The following CHMP3 variants were observed in gnomAD, a reference collection of about 807,000 sequenced individuals.
The protein encoded by CHMP3 is charged multivesicular body protein 3, also known as 25.1 protein.
A neutral mutation model predicts 27.4 loss-of-function variants in CHMP3; 8 were observed. The ratio of observed to expected loss-of-function variants is 0.29; its 90% confidence interval spans 0.17 to 0.53. The LOEUF (loss-of-function observed/expected upper bound fraction) is 0.53. Among genes scored for constraint, CHMP3 ranks in the 20% least tolerant of loss-of-function variants. CHMP3 has a pLI of 0.96. For missense variants in CHMP3, 208 were observed against 271.5 expected (o/e 0.77, Z 1.64); for synonymous variants, 86 against 85.5 (o/e 1.01, Z -0.03).
intron 2 of CHMP3, among the ~76,000 whole-genome samples, chr2:86,537,897 A>G (rs308908): frequency 0.99 from 151,061 of 152,322 alleles, 74,911 homozygotes; most frequent in East Asian, 1. Context: ...TATTTGATCC[A>G]GTAATGCTAC....
rs1370805775 is a variant in CHMP3, at chr2:86,554,814, CGCGTGTGT to C, written c.45+8482_45+8489del. Among the ~76,000 whole-genome samples, 7 of 138,094 alleles carry C rather than the reference CGCGTGTGT, an allele frequency of 5.1e-5. No homozygotes were observed. In the South Asian group the frequency reaches 6.6e-4, roughly 13 times the overall value. 90.6% of individuals were successfully genotyped at this position (138,094 alleles called of 152,430 possible). A position where few individuals can be genotyped will look rare whatever the true frequency, so the allele number is the denominator to read the frequency against. On this transcript the variant is annotated intron_variant, in intron 1 of 5. Coordinates refer to ENST00000263856, the MANE Select transcript of CHMP3 (RefSeq NM_016079.4). ...CATCAATAGAATAAATGTGTGTGCG[CGCGTGTGT>C]GTGTGTGTGTGTGTGTGTGTGTGTA...
At chr2:86,548,845 G>T (rs1197002005) in intron 1 of CHMP3, among the ~76,000 whole-genome samples, 27 of 147,140 alleles carry the variant, frequency 1.8e-4, no homozygotes, top group African/African-American at 6.5e-4. Context: ...TCCCAGATGG[G>T]GTGGTGGCCG....
At chr2:86,507,065 T>C (rs1482876779) in intron 5 of CHMP3, 1 of 152,866 alleles carries the variant, frequency 6.5e-6, no homozygotes, top group Non-Finnish European at 1.5e-5. Flanking sequence ...GGTCTTGCTA[T>C]GGTTGCCCAG....
intron 3 of CHMP3, among the ~76,000 whole-genome samples, chr2:86,526,423 T>G (rs958232557): frequency 2.0e-5 from 3 of 152,174 alleles, no homozygotes; most frequent in African/African-American, 7.2e-5. Flanking sequence ...ACTCATGAAC[T>G]GCTGCTGGAA....
At position 86,505,922 on chromosome 2, in the gene CHMP3, A is replaced by C; in HGVS notation, c.551T>G (p.Val184Gly). ...TTCTGGCTCTGGAAGGGCATCAGTC[A>C]CTTTACTGGGTGCTTTGCCCAAGGC... Reference protein sequence around the residue: ...AGALGKAPSKVTDALPEPEPP... With the variant: ...AGALGKAPSKGTDALPEPEPP... Residue 184 changes from valine (V) to glycine (G), a missense_variant, in exon 6 of 6, where the codon GTG becomes GGG. Val to Gly is a moderately radical substitution (Grantham distance 109). Transcript: ENST00000263856. 1 of 1,586,854 alleles carries C rather than the reference A, an allele frequency of 6.3e-7. No homozygotes were observed. Among genetic ancestry groups the C allele is most frequent in the Non-Finnish European group, 8.6e-7 (1 of 1,164,526 alleles).
At chr2:86,534,196 CTTTTTTTTT>C (rs33977886) in intron 2 of CHMP3, among the ~76,000 whole-genome samples, 15 of 66,940 alleles carry the variant, frequency 2.2e-4, no homozygotes, top group South Asian at 6.6e-4. Context: ...TGCTTTATTT[CTTTTTTTTT>C]TTTTTTTTTT....
At position 86,553,956 on chromosome 2, in the gene CHMP3, G is replaced by C. The variant is rs1475066613; in HGVS notation, c.45+9348C>G. Among the ~76,000 whole-genome samples, 3 of 152,308 alleles carry C rather than the reference G, an allele frequency of 2.0e-5. 1 individual carries two copies. The highest frequency in any genetic ancestry group is 3.4e-3 in the Middle Eastern group (1 of 294). On this transcript the variant is annotated intron_variant, in intron 1 of 5. Coordinates refer to ENST00000263856, the MANE Select transcript of CHMP3 (RefSeq NM_016079.4). ...GATCTGCTGTGGTATGAATGTTGGT[G>C]CATGTCCCCAAATTCGTATGTTGAA...
At chr2:86,543,298 T>C (rs1295808854) in intron 1 of CHMP3, among the ~76,000 whole-genome samples, 2 of 152,236 alleles carry the variant, frequency 1.3e-5, no homozygotes, top group East Asian at 3.8e-4. Context: ...CTGTAAAATA[T>C]TTATTATGCA....
intron 2 of CHMP3, among the ~76,000 whole-genome samples, 189 bp from the exon 3 acceptor site, chr2:86,529,586 G>A (rs1398339352): frequency 1.3e-5 from 2 of 152,106 alleles, no homozygotes; most frequent in East Asian, 1.9e-4. Flanking sequence ...AGAAAAGTAC[G>A]ATCCTATTAT....
intron 1 of CHMP3, among the ~76,000 whole-genome samples, chr2:86,560,870 G>C (rs943301591): frequency 6.6e-6 from 1 of 152,058 alleles, no homozygotes; most frequent in Non-Finnish European, 1.5e-5. Flanking sequence ...GAATGAGGGA[G>C]AAGGTGCTAC....
intron 3 of CHMP3, among the ~76,000 whole-genome samples, chr2:86,523,135 A>T (rs1181706944): frequency 6.6e-6 from 1 of 152,124 alleles, no homozygotes; most frequent in Non-Finnish European, 1.5e-5. Context: ...CTCCTTGCCC[A>T]TCCTCTCCAG....
chr2:86,514,484 A>T (rs1056065507), intron 3 of CHMP3, among the ~76,000 whole-genome samples: 1 of 152,192 alleles, frequency 6.6e-6, no homozygotes. Context: ...GTACAAACCC[A>T]TTAAGACCAC....
At chr2:86,506,751 T>C (rs112216792) in intron 5 of CHMP3, among the ~76,000 whole-genome samples, 231 of 148,866 alleles carry the variant, frequency 1.6e-3, no homozygotes, top group African/African-American at 5.6e-3. Flanking sequence ...GGGACTAAGG[T>C]GTGTGCCACC....
At chr2:86,539,249 AT>A (rs1676264109) in intron 2 of CHMP3, among the ~76,000 whole-genome samples, 1 of 152,132 alleles carries the variant, frequency 6.6e-6, no homozygotes, top group Non-Finnish European at 1.5e-5. Context: ...AAAGTGCCCC[AT>A]CCCCTTTTTT....
intron 3 of CHMP3, among the ~76,000 whole-genome samples, chr2:86,514,310 A>G: frequency 6.6e-6 from 1 of 152,238 alleles, no homozygotes; most frequent in Non-Finnish European, 1.5e-5. Context: ...CATATTCCTT[A>G]GTTAATATAA....
chr2:86,529,501 T>G (rs1675832889), intron 2 of CHMP3, 104 bp from the exon 3 acceptor site: 6 of 1,061,384 alleles, frequency 5.7e-6, no homozygotes, highest in Admixed American at 3.7e-5. Flanking sequence ...TAGAAAAACA[T>G]ATAGAAGGAT....
chr2:86,555,450 C>A (rs1283581102), intron 1 of CHMP3, among the ~76,000 whole-genome samples: 1 of 150,952 alleles, frequency 6.6e-6, no homozygotes, highest in Admixed American at 6.6e-5. Flanking sequence ...TGCAGTGAGC[C>A]GAGATCGCAC....
In CHMP3 at chr2:86,505,369, C is replaced by T. The variant is rs562119409; in HGVS notation, c.*435G>A. On this transcript the variant is annotated 3_prime_UTR_variant, in exon 6 of 6. Transcript: ENST00000263856. ...TATGCCTGGCCATAGCAACTCTTTCCACACCCAGCAAATGAAGCAATCTGG... is the reference window on the plus strand; with the variant it reads ...TATGCCTGGCCATAGCAACTCTTTCTACACCCAGCAAATGAAGCAATCTGG... 2 of 153,396 alleles carry T rather than the reference C, an allele frequency of 1.3e-5. No individual in the cohort carries two copies. Among genetic ancestry groups the T allele is most frequent in the Admixed American group, 1.3e-4 (2 of 15,320 alleles). 9.5% of individuals were successfully genotyped at this position (153,396 alleles called of 1,614,324 possible).
intron 1 of CHMP3, chr2:86,561,957 C>T (rs1677387260): frequency 6.6e-6 from 1 of 152,214 alleles, no homozygotes; most frequent in Non-Finnish European, 1.5e-5. Flanking sequence ...CTCCCTACCA[C>T]ACTTCTACAA....
Sources: gnomAD v4.1 joint callset for allele counts (sites outside exome capture counted in the v4.1 genomes callset) on GRCh38, gnomAD v4.1.1 for gene constraint, MANE v1.5 for transcripts, NCBI Gene and HGNC (gene_info 2026-07-23, HGNC 2026-07-21) for gene names.